Variants in NUP153 observed in about 807,000 individuals in gnomAD.
NUP153 encodes the protein nucleoporin 153.
In NUP153, 27 loss-of-function variants were observed where a neutral mutation model predicts 134.6. That is an observed-to-expected ratio of 0.20 (90% CI 0.15 to 0.28). The LOEUF is 0.28. NUP153 is among the 10% of genes least tolerant of loss of function. The pLI, the probability that NUP153 is intolerant of heterozygous loss-of-function variation, is 1.00. For missense variants in NUP153, 1,821 were observed against 1,731.3 expected, an observed-to-expected ratio of 1.05 and a Z score of -0.92; for synonymous variants, 640 against 623.5, an observed-to-expected ratio of 1.03 and a Z score of -0.40.
At position 17,629,312 on chromosome 6, in the gene NUP153, C is replaced by T. The variant is rs375746558; in HGVS notation, c.2887G>A (p.Val963Ile). 117 of 1,607,014 alleles carry T rather than the reference C, an allele frequency of 7.3e-5. No homozygotes were observed. Among genetic ancestry groups the T allele is most frequent in the Non-Finnish European group, 9.3e-5 (110 of 1,178,332 alleles). ...TCTTCGGGCTTAGATTCAGATGAAACTCCAAATTTAAAATCTCCTATTGGT... is the reference window on the plus strand; with the variant it reads ...TCTTCGGGCTTAGATTCAGATGAAATTCCAAATTTAAAATCTCCTATTGGT... ...SKPIGDFKFGVSSESKPEEVK... is the reference protein window; with the variant it reads ...SKPIGDFKFGISSESKPEEVK... Residue 963 changes from valine to isoleucine, a missense_variant, in exon 18 of 22, where the codon GTT becomes ATT. Physicochemically the swap from Val to Ile is conservative, Grantham distance 29. Coordinates refer to ENST00000262077, the MANE Select transcript of NUP153 (RefSeq NM_005124.4).
intron 1 of NUP153, among the ~76,000 whole-genome samples, chr6:17,697,172 T>C (rs1214111566): frequency 6.6e-6 from 1 of 152,066 alleles, no homozygotes. Flanking sequence ...ATTAAAGGAG[T>C]GAATTTTAGA....
chr6:17,642,979 G>C (rs1765930243), intron 14 of NUP153, among the ~76,000 whole-genome samples: 1 of 152,314 alleles, frequency 6.6e-6, no homozygotes, highest in East Asian at 1.9e-4. Context: ...TCAATCCATA[G>C]AGACAGAACA....
chr6:17,675,885 C>G lies in NUP153; in HGVS notation c.335-115G>C. ...TATATAATAGCTTCAATTCAAATCACTGGGGCATCCCATAATAAGCCCAAT... is the reference window on the plus strand; with the variant it reads ...TATATAATAGCTTCAATTCAAATCAGTGGGGCATCCCATAATAAGCCCAAT... On this transcript the variant is annotated intron_variant, in intron 2 of 21. Transcript: ENST00000262077. The surrounding 1 kb of genome is among the most constrained non-coding windows in gnomAD (Gnocchi z 4.4). 1 of 969,386 alleles carries G rather than the reference C, an allele frequency of 1.0e-6. No homozygotes were observed. The highest frequency in any genetic ancestry group is 2.2e-5 in the Admixed American group (1 of 46,232). The allele number at this position is 969,386 out of a possible 1,614,324, so 60.0% of individuals were successfully genotyped here.
At chr6:17,697,719 T>TG (rs1769752639) in intron 1 of NUP153, among the ~76,000 whole-genome samples, 1 of 145,012 alleles carries the variant, frequency 6.9e-6, no homozygotes, top group South Asian at 2.2e-4. Context: ...GCAGCTGGGG[T>TG]GGGGGCAGGC....
At chr6:17,674,462 A>G (rs1768099222) in intron 5 of NUP153, among the ~76,000 whole-genome samples, 2 of 152,194 alleles carry the variant, frequency 1.3e-5, no homozygotes, top group Admixed American at 6.6e-5. Flanking sequence ...GTTTTCCCAA[A>G]GAACAATATT....
intron 16 of NUP153, among the ~76,000 whole-genome samples, chr6:17,636,512 T>A (rs976500043): frequency 3.3e-5 from 5 of 152,118 alleles, no homozygotes; most frequent in African/African-American, 1.2e-4. Flanking sequence ...ACAGTGTAAT[T>A]CCCAGGATAT....
chr6:17,647,736 C>G (rs1766275769), intron 13 of NUP153, 71 bp downstream of exon 13: 1 of 1,006,186 alleles, frequency 9.9e-7, no homozygotes, highest in East Asian at 2.4e-5. Context: ...CCAGTGGCAT[C>G]TTAGATTTGA....
Position 17,628,781 on chromosome 6 carries a change from G to C in NUP153, c.3418C>G (p.Gln1140Glu). The change falls in exon 18 of 22, where the codon CAA (glutamine) becomes GAA (glutamate). Residue 1140 changes from glutamine to glutamate, a missense_variant. Coordinates refer to ENST00000262077, the MANE Select transcript of NUP153 (RefSeq NM_005124.4). This position sits in a 1 kb window ranked among gnomAD's most constrained non-coding sequence, Gnocchi z 5.4. ...QPVFSFGNSE[Q>E]TKDENSSKST... ...TTTGAAGAATTCTCATCTTTGGTTTGCTCTGAATTCCCAAAGGAAAACACT... is the reference window on the plus strand; with the variant it reads ...TTTGAAGAATTCTCATCTTTGGTTTCCTCTGAATTCCCAAAGGAAAACACT... 6.2e-7 allele frequency: 1 copy of C among 1,614,076 alleles called. No homozygotes were observed. The highest frequency in any genetic ancestry group is 1.3e-5 in the African/African-American group (1 of 75,004).
intron 2 of NUP153, among the ~76,000 whole-genome samples, chr6:17,685,549 A>C (rs923898298): frequency 5.1e-5 from 3 of 59,150 alleles, no homozygotes; most frequent in African/African-American, 1.7e-4. Context: ...ACTCCGTCTC[A>C]AAAAAAAAAA....
At chr6:17,698,737 CAAAAA>C (rs57961707) in intron 1 of NUP153, among the ~76,000 whole-genome samples, 4 of 80,070 alleles carry the variant, frequency 5.0e-5, no homozygotes, top group Non-Finnish European at 5.2e-5. Context: ...GACTCTGTCT[CAAAAA>C]AAAAAAAAAA....
intron 20 of NUP153, among the ~76,000 whole-genome samples, chr6:17,622,893 G>C (rs780201362): frequency 1.6e-4 from 25 of 152,238 alleles, no homozygotes; most frequent in Admixed American, 1.6e-3. Flanking sequence ...CACTGTGGGA[G>C]GCCGAGGTGG....
At chr6:17,677,151 A>G (rs1768268870) in intron 2 of NUP153, among the ~76,000 whole-genome samples, 1 of 152,212 alleles carries the variant, frequency 6.6e-6, no homozygotes, top group African/African-American at 2.4e-5. Context: ...CAGGGGAGAC[A>G]GAGCTTGGAG....
intron 14 of NUP153, among the ~76,000 whole-genome samples, chr6:17,642,300 G>GA (rs1046864624): frequency 2.0e-5 from 3 of 152,124 alleles, no homozygotes; most frequent in Non-Finnish European, 2.9e-5. Flanking sequence ...CTATAAATGG[G>GA]AAAAAATATC....
chr6:17,646,965 C>T (rs111690421), intron 13 of NUP153, among the ~76,000 whole-genome samples: 9,012 of 142,346 alleles, frequency 0.063, 373 homozygotes, highest in Non-Finnish European at 0.084. Context: ...CTATGTTGGT[C>T]AGGCTGGTCT....
chr6:17,629,533 T>G lies in NUP153; in HGVS notation c.2666A>C (p.Asp889Ala). 1 of 1,584,410 alleles carries G rather than the reference T, an allele frequency of 6.3e-7. No homozygotes were observed. Among genetic ancestry groups the G allele is most frequent in the Non-Finnish European group, 8.5e-7 (1 of 1,171,446 alleles). The change falls in exon 18 of 22, where the codon GAC becomes GCC. Residue 889 changes from aspartate to alanine, a missense_variant. Coordinates refer to ENST00000262077, the MANE Select transcript of NUP153 (RefSeq NM_005124.4). ...PGTKSGFKGFDTSSSSSNSAA... is the reference protein window; with the variant it reads ...PGTKSGFKGFATSSSSSNSAA... The stretch of plus-strand genomic sequence containing the variant: ...TGAGTTCGAAGATGAGGAAGATGTG[T>G]CAAAGCCTACAAAAATATAAAAGAC...
At chr6:17,645,467 CTTTT>C (rs71002239) in intron 14 of NUP153, among the ~76,000 whole-genome samples, 1 of 135,396 alleles carries the variant, frequency 7.4e-6, no homozygotes, top group Non-Finnish European at 1.6e-5. Context: ...ATTTCTTTTT[CTTTT>C]TTTTTTTTTT....
Position 17,632,846 on chromosome 6 carries a change from T to TGAAA in NUP153, c.2465-3_2465-2insTTTC. On this transcript the variant is annotated splice_polypyrimidine_tract_variant and splice_region_variant and intron_variant, in intron 16 of 21. Coordinates refer to ENST00000262077, the MANE Select transcript of NUP153 (RefSeq NM_005124.4). ...TACTTGAAGCAGGTACTGAACTTCC[T>TGAAA]AAAAAAAAAAAAAAAAACGGGGAGT... The TGAAA allele has an allele frequency of 1.3e-5, 11 of 864,570 alleles. No homozygotes were observed. In the East Asian group the frequency reaches 2.4e-4, roughly 19 times the overall value. The allele number at this position is 864,570 out of a possible 1,614,324, so 53.6% of individuals were successfully genotyped here.
intron 14 of NUP153, among the ~76,000 whole-genome samples, chr6:17,645,473 T>C (rs1190395164): frequency 6.0e-5 from 9 of 150,780 alleles, no homozygotes; most frequent in South Asian, 2.1e-4. Context: ...TTTTCTTTTT[T>C]TTTTTTTTTC....
At chr6:17,705,208 C>G (rs1272583410) in intron 1 of NUP153, among the ~76,000 whole-genome samples, 1 of 152,206 alleles carries the variant, frequency 6.6e-6, no homozygotes, top group Non-Finnish European at 1.5e-5. Context: ...CCTTTTGCTA[C>G]ACTTTTGTTT....
Sources: gnomAD v4.1 joint callset for allele counts (sites outside exome capture counted in the v4.1 genomes callset) on GRCh38, gnomAD v4.1.1 for gene constraint, Gnocchi (gnomAD v3.1) non-coding constraint, MANE v1.5 for transcripts, NCBI Gene and HGNC (gene_info 2026-07-23, HGNC 2026-07-21) for gene names.